FUT9: variants seen among roughly 807,000 people sequenced by gnomAD.
FUT9 encodes fucosyltransferase 9, also known as 4-galactosyl-N-acetylglucosaminide 3-alpha-L-fucosyltransferase 9.
A neutral mutation model predicts 29.7 loss-of-function variants in FUT9; 15 were observed. The ratio of observed to expected loss-of-function variants is 0.51; its 90% CI spans 0.34 to 0.78. FUT9 has a LOEUF of 0.78. Ranked by LOEUF, FUT9 falls within the 30% of genes least tolerant of loss-of-function variation. FUT9 has a pLI of 0.01. For missense variants in FUT9, 319 were observed against 425.4 expected (o/e 0.75, Z 2.20); for synonymous variants, 169 against 153.7 (o/e 1.10, Z -0.74).
intron 1 of FUT9, among the ~76,000 whole-genome samples, chr6:96,085,886 C>G (rs988234155): frequency 2.0e-5 from 3 of 152,118 alleles, no homozygotes; most frequent in African/African-American, 7.2e-5. Context: ...GGATACCCAG[C>G]TTTCCAACTG....
chr6:96,048,779 AG>A (rs1300023872), intron 1 of FUT9, among the ~76,000 whole-genome samples: 2 of 152,084 alleles, frequency 1.3e-5, no homozygotes, highest in African/African-American at 4.8e-5. Context: ...GGGAAATGAG[AG>A]GGGGGGAACT....
At chr6:96,106,063 T>C (rs1443613427) in intron 1 of FUT9, among the ~76,000 whole-genome samples, 3 of 152,000 alleles carry the variant, frequency 2.0e-5, no homozygotes, top group Non-Finnish European at 1.5e-5. Context: ...GAAGAAGTCA[T>C]CCAGGGGTCA....
chr6:96,087,909 T>C (rs763844256), intron 1 of FUT9, among the ~76,000 whole-genome samples: 2 of 152,176 alleles, frequency 1.3e-5, no homozygotes, highest in Non-Finnish European at 2.9e-5. Flanking sequence ...TATCTGGTAA[T>C]AGAGGCCTGC....
rs1773796043 is a variant in FUT9, at chr6:96,204,733, CT to C, written c.*499del. On this transcript the variant is annotated 3_prime_UTR_variant, in exon 3 of 3. Transcript: ENST00000302103. The stretch of plus-strand genomic sequence containing the variant: ...AGATGAATGAAGTGTATAACTGTCT[CT>C]ATTTGATCTATTTTTTTTACCTGTT... The C allele has an allele frequency of 6.0e-6, 1 of 166,738 alleles. No individual in the cohort carries two copies. The highest frequency in any genetic ancestry group is 1.5e-5 in the Non-Finnish European group (1 of 68,078). 10.3% of individuals were successfully genotyped at this position (166,738 alleles called of 1,614,324 possible).
chr6:96,111,192 A>G (rs1372160398), intron 1 of FUT9, among the ~76,000 whole-genome samples: 1 of 152,186 alleles, frequency 6.6e-6, no homozygotes, highest in East Asian at 1.9e-4. Context: ...CTTTCTAAAG[A>G]CTGATGTTAA....
At chr6:96,081,557 A>G (rs541230791) in intron 1 of FUT9, among the ~76,000 whole-genome samples, 1 of 151,980 alleles carries the variant, frequency 6.6e-6, no homozygotes, top group South Asian at 2.1e-4. Context: ...AAATATTTGA[A>G]TGGCTTCCAA....
intron 1 of FUT9, among the ~76,000 whole-genome samples, chr6:96,078,416 T>TGA (rs1771178062): frequency 1.1e-5 from 1 of 90,776 alleles, no homozygotes; most frequent in Non-Finnish European, 2.4e-5. Context: ...TTCTTTTTTT[T>TGA]TTTTTTTTTT....
chr6:96,129,244 G>C (rs1772191921), intron 2 of FUT9, among the ~76,000 whole-genome samples: 1 of 136,608 alleles, frequency 7.3e-6, no homozygotes, highest in Admixed American at 8.0e-5. Flanking sequence ...CAGCCTGGGC[G>C]AGAGAATGAG....
intron 1 of FUT9, among the ~76,000 whole-genome samples, chr6:96,112,273 C>G (rs1261074443): frequency 2.0e-5 from 3 of 152,096 alleles, no homozygotes; most frequent in Non-Finnish European, 2.9e-5. Flanking sequence ...ATAATGCTTT[C>G]ATAATTATAT....
chr6:96,116,056 A>C (rs936157364), intron 2 of FUT9, among the ~76,000 whole-genome samples: 1 of 152,218 alleles, frequency 6.6e-6, no homozygotes, highest in African/African-American at 2.4e-5. Flanking sequence ...TGTATCTGAT[A>C]AAAGATTTGT....
Position 96,204,070 on chromosome 6 carries a change from C to A in FUT9, c.915C>A (p.Val305=). The A allele has an allele frequency of 6.5e-7, 1 of 1,547,746 alleles. No individual in the cohort carries two copies. Among genetic ancestry groups the A allele is most frequent in the South Asian group, 1.2e-5 (1 of 80,304 alleles). The stretch of plus-strand genomic sequence containing the variant: ...AGCTAGCAAAGTATCTGAAGGAAGT[C>A]GACAAAAACAATAAGTTATACCTTA... ...PSELAKYLKE[V]DKNNKLYLSY... The change falls in exon 3 of 3, where the codon GTC becomes GTA. Residue 305 remains valine (V), a synonymous_variant. Coordinates refer to ENST00000302103, the MANE Select transcript of FUT9 (RefSeq NM_006581.4).
intron 1 of FUT9, among the ~76,000 whole-genome samples, chr6:96,086,077 A>C (rs899493584): frequency 6.6e-5 from 10 of 152,178 alleles, no homozygotes; most frequent in Non-Finnish European, 1.5e-4. Flanking sequence ...ATGCCATGAC[A>C]ACATCATGAA....
At chr6:96,043,255 G>T (rs959078041) in intron 1 of FUT9, among the ~76,000 whole-genome samples, 1 of 151,984 alleles carries the variant, frequency 6.6e-6, no homozygotes, top group African/African-American at 2.4e-5. Context: ...GTTTCACCGT[G>T]TTAGCCAGGA....
chr6:96,079,325 C>G (rs887062742), intron 1 of FUT9, among the ~76,000 whole-genome samples: 1 of 152,154 alleles, frequency 6.6e-6, no homozygotes, highest in Non-Finnish European at 1.5e-5. Context: ...TCTTGTCACT[C>G]TCCCTCTCTC....
chr6:96,101,819 AT>A (rs202104817), intron 1 of FUT9, among the ~76,000 whole-genome samples: 6,720 of 136,880 alleles, frequency 0.049, 170 homozygotes, highest in South Asian at 0.13. Flanking sequence ...ACGCCCAGCT[AT>A]TTTTTTTTTT....
intron 1 of FUT9, among the ~76,000 whole-genome samples, chr6:96,028,907 C>T (rs371030422): frequency 6.6e-6 from 1 of 151,452 alleles, no homozygotes; most frequent in East Asian, 1.9e-4. Flanking sequence ...ATTTTTTCCA[C>T]AAGAATTAAA....
chr6:96,057,703 G>A (rs1045756606), intron 1 of FUT9, among the ~76,000 whole-genome samples: 6 of 152,164 alleles, frequency 3.9e-5, no homozygotes, highest in Non-Finnish European at 7.3e-5. Flanking sequence ...AGCACAGAAC[G>A]AAGAGCAATC....
chr6:96,151,831 G>A (rs1732953388), intron 2 of FUT9, among the ~76,000 whole-genome samples: 1 of 152,134 alleles, frequency 6.6e-6, no homozygotes, highest in South Asian at 2.1e-4. Flanking sequence ...ATAACTGTGA[G>A]CTTTGAAACT....
intron 1 of FUT9, among the ~76,000 whole-genome samples, chr6:96,017,201 A>T (rs1769996169): frequency 6.6e-6 from 1 of 152,192 alleles, no homozygotes; most frequent in Non-Finnish European, 1.5e-5. Flanking sequence ...TTGAAATTGC[A>T]ATAAGCCAAA....
Sources: allele counts gnomAD v4.1 joint callset (sites outside exome capture counted in the v4.1 genomes callset), GRCh38; gene constraint gnomAD v4.1.1; transcripts MANE v1.5; gene names NCBI Gene and HGNC (gene_info 2026-07-23, HGNC 2026-07-21).